The following GPC6 variants were observed in gnomAD, a reference collection of about 807,000 sequenced individuals.
GPC6 encodes glypican 6.
In GPC6, 14 loss-of-function variants were observed where a neutral mutation model predicts 55.2. The observed-to-expected ratio is 0.25, with a 90% CI of 0.17 to 0.40. GPC6 has a LOEUF of 0.40. Ranked by LOEUF, GPC6 falls within the 10% of genes least tolerant of loss-of-function variation. The probability of loss-of-function intolerance (pLI) is 1.00; values close to 1 mark genes in which losing one functional copy is unlikely to be tolerated. For missense variants in GPC6, 641 were observed against 708.5 expected (o/e 0.90, Z 1.08); for synonymous variants, 278 against 259.6 (o/e 1.07, Z -0.68).
chr13:93,467,345 A>AG (rs1463488070), intron 1 of GPC6, among the ~76,000 whole-genome samples: 2 of 152,164 alleles, frequency 1.3e-5, no homozygotes, highest in African/African-American at 4.8e-5. Context: ...GTGATTCCTG[A>AG]GTATGGTGAC....
rs567556374 is a variant in GPC6 at position 93,480,241 on chromosome 13, G to T, written c.161-65022G>T. ...AGGGGAAATATGTTTCTTTAATATT[G>T]TTCTCAATGCATTGTAGAAAATTAT... On this transcript the variant is annotated intron_variant, in intron 1 of 8. Coordinates refer to ENST00000377047, the MANE Select transcript of GPC6 (RefSeq NM_005708.5). Among the ~76,000 whole-genome samples the T allele has an allele frequency of 2.1e-4, 32 of 151,940 alleles. No individual in the cohort carries two copies. The South Asian group carries it at 6.7e-3, about 32-fold the overall frequency.
intron 3 of GPC6, among the ~76,000 whole-genome samples, chr13:93,899,245 C>A (rs548973094): frequency 6.6e-6 from 1 of 151,728 alleles, no homozygotes; most frequent in African/African-American, 2.4e-5. Flanking sequence ...GGATCCCTAA[C>A]GTGGAGCTTG....
At chr13:93,771,869 T>A (rs1015526375) in intron 2 of GPC6, among the ~76,000 whole-genome samples, 3 of 152,186 alleles carry the variant, frequency 2.0e-5, no homozygotes, top group African/African-American at 7.2e-5. Context: ...CTGTGGGGAA[T>A]CAAACTTAGA....
intron 1 of GPC6, among the ~76,000 whole-genome samples, chr13:93,300,989 G>A (rs577564414): frequency 4.1e-4 from 62 of 152,052 alleles, no homozygotes; most frequent in Middle Eastern, 3.4e-3. Context: ...ATTGCACTCC[G>A]GCCTTGGCAA....
chr13:94,401,366 T>C (rs556866283), intron 8 of GPC6, among the ~76,000 whole-genome samples: 17 of 152,270 alleles, frequency 1.1e-4, no homozygotes, highest in Middle Eastern at 3.4e-3. Flanking sequence ...AGTACTTTCA[T>C]AAAGCTAGTA....
At chr13:94,177,656 G>A (rs1457387885) in intron 4 of GPC6, among the ~76,000 whole-genome samples, 1 of 152,142 alleles carries the variant, frequency 6.6e-6, no homozygotes, top group Non-Finnish European at 1.5e-5. Context: ...AATTTCATAT[G>A]TTTGGACTAT....
At chr13:93,783,563 G>GATCTGTCTATCTGTCTATCT (rs1885724261) in intron 2 of GPC6, among the ~76,000 whole-genome samples, 1 of 138,650 alleles carries the variant, frequency 7.2e-6, no homozygotes, top group East Asian at 2.4e-4. Flanking sequence ...GTGGTTTTGA[G>GATCTGTCTATCTGTCTATCT]ATCTATCTAT....
At chr13:93,717,639 G>A (rs1393174566) in intron 2 of GPC6, among the ~76,000 whole-genome samples, 1 of 151,652 alleles carries the variant, frequency 6.6e-6, no homozygotes, top group Non-Finnish European at 1.5e-5. Flanking sequence ...TATACTTTAT[G>A]TTCTGGGATA....
intron 3 of GPC6, among the ~76,000 whole-genome samples, chr13:93,978,037 T>C (rs1880603351): frequency 6.6e-6 from 1 of 152,192 alleles, no homozygotes; most frequent in African/African-American, 2.4e-5. Flanking sequence ...CCAAGTGGAC[T>C]CAGTGTAACC....
intron 1 of GPC6, among the ~76,000 whole-genome samples, chr13:93,492,414 A>G (rs1880053929): frequency 1.3e-5 from 2 of 148,958 alleles, no homozygotes; most frequent in Admixed American, 6.7e-5. Context: ...GCTTAAGGAG[A>G]TTTTGGGCTG....
At chr13:93,931,765 G>GAAAAAAAAAAAAAAAAAA (rs545578327) in intron 3 of GPC6, among the ~76,000 whole-genome samples, 1 of 49,712 alleles carries the variant, frequency 2.0e-5, no homozygotes, top group African/African-American at 6.8e-5. Flanking sequence ...CTCTGTCTCA[G>GAAAAAAAAAAAAAAAAAA]AAAAAAAAAA....
At chr13:93,474,805 C>T (rs535628440) in intron 1 of GPC6, among the ~76,000 whole-genome samples, 2 of 151,998 alleles carry the variant, frequency 1.3e-5, no homozygotes, top group African/African-American at 2.4e-5. Flanking sequence ...TACCTGGGGT[C>T]GAAACTTTTT....
chr13:94,241,355 T>C (rs1444185952), intron 4 of GPC6, among the ~76,000 whole-genome samples: 1 of 152,166 alleles, frequency 6.6e-6, no homozygotes, highest in African/African-American at 2.4e-5. Flanking sequence ...GATTGTCGGC[T>C]TTTTTTGGAA....
chr13:93,893,337 TG>T (rs1968977345), intron 3 of GPC6, among the ~76,000 whole-genome samples: 1 of 152,170 alleles, frequency 6.6e-6, no homozygotes, highest in Non-Finnish European at 1.5e-5. Flanking sequence ...TTTATAGGCA[TG>T]ATCCACCGCT....
At chr13:94,338,111 G>A (rs141628010) in intron 6 of GPC6, among the ~76,000 whole-genome samples, 168 of 152,296 alleles carry the variant, frequency 1.1e-3, no homozygotes, top group African/African-American at 3.7e-3. Context: ...AGCAACAATC[G>A]TTTTAAAAAA....
chr13:94,327,170 G>A (rs78429090), intron 6 of GPC6, among the ~76,000 whole-genome samples: 5,279 of 152,060 alleles, frequency 0.035, 134 homozygotes, highest in African/African-American at 0.064. Flanking sequence ...TAAAAATAAG[G>A]GCCACTGCCT....
chr13:93,501,627 T>C (rs1179358340), intron 1 of GPC6, among the ~76,000 whole-genome samples: 1 of 152,128 alleles, frequency 6.6e-6, no homozygotes. Flanking sequence ...AACTGAAATA[T>C]GTATTAGAAA....
chr13:93,609,057 A>G (rs944967065), intron 2 of GPC6, among the ~76,000 whole-genome samples: 6 of 152,190 alleles, frequency 3.9e-5, no homozygotes, highest in African/African-American at 1.4e-4. Context: ...GCGTAATCCT[A>G]GATTTCTCCC....
intron 2 of GPC6, among the ~76,000 whole-genome samples, chr13:93,628,238 C>T (rs890821209): frequency 6.6e-6 from 1 of 152,182 alleles, no homozygotes; most frequent in Non-Finnish European, 1.5e-5. Context: ...ACAGTCCATT[C>T]TCTCCAGATG....
Sources: allele counts gnomAD v4.1 joint callset (sites outside exome capture counted in the v4.1 genomes callset), GRCh38; gene constraint gnomAD v4.1.1; transcripts MANE v1.5; gene names NCBI Gene and HGNC (gene_info 2026-07-23, HGNC 2026-07-21).